The following LARP4 variants were observed in gnomAD, a reference collection of about 807,000 sequenced individuals.
LARP4 encodes la-related protein 4.
LARP4 carries 29 observed loss-of-function variants against 92.9 expected under a neutral mutation model. The ratio of observed to expected loss-of-function variants is 0.31; its 90% CI spans 0.23 to 0.43. The LOEUF (loss-of-function observed/expected upper bound fraction) is 0.43, where lower values mean the gene tolerates loss of function less well. Ranked by LOEUF, LARP4 falls within the 20% of genes least tolerant of loss-of-function variation. LARP4 has a pLI of 1.00. For synonymous variants in LARP4, 279 were observed against 284.1 expected (o/e 0.98, Z 0.18); for missense variants, 732 against 860.0 (o/e 0.85, Z 1.86).
At chr12:50,414,268 T>C (rs1946394492) in intron 1 of LARP4, among the ~76,000 whole-genome samples, 1 of 152,178 alleles carries the variant, frequency 6.6e-6, no homozygotes, top group Non-Finnish European at 1.5e-5. Context: ...TTAACAGTAT[T>C]GTAACCTTTC....
intron 4 of LARP4, 54 bp downstream of exon 4, chr12:50,430,624 A>AT: frequency 9.6e-7 from 1 of 1,042,900 alleles, no homozygotes. Context: ...AATACGTGTG[A>AT]AATAGAGCGC....
At chr12:50,472,905 C>T (rs566036854) in intron 13 of LARP4, among the ~76,000 whole-genome samples, 2 of 151,996 alleles carry the variant, frequency 1.3e-5, no homozygotes, top group South Asian at 2.1e-4. Context: ...CTGCAACCTC[C>T]GCCTCCCAGG....
chr12:50,475,437 G>A, intron 15 of LARP4, 89 bp from the exon 16 acceptor site: 1 of 1,090,560 alleles, frequency 9.2e-7, no homozygotes, highest in South Asian at 1.6e-5. Context: ...GATAATCTGT[G>A]GTTTTCTTAT....
intron 8 of LARP4, among the ~76,000 whole-genome samples, chr12:50,448,882 A>G (rs970771325): frequency 1.3e-5 from 2 of 152,174 alleles, no homozygotes; most frequent in South Asian, 2.1e-4. Context: ...AAAATGAACA[A>G]TGTCTTGAAC....
At chr12:50,446,648 C>T (rs1169735466) in intron 8 of LARP4, among the ~76,000 whole-genome samples, 10 of 150,436 alleles carry the variant, frequency 6.6e-5, no homozygotes, top group African/African-American at 2.5e-4. Context: ...AGGCTGGTCT[C>T]GAATTCCTGA....
rs956679822 is a variant in LARP4 at position 50,406,489 on chromosome 12, T to G, written c.18+5461T>G. Among the ~76,000 whole-genome samples the G allele has an allele frequency of 7.2e-5, 11 of 152,022 alleles. No homozygotes were observed. The South Asian group carries it at 2.3e-3, about 32-fold the overall frequency. On this transcript the variant is annotated intron_variant, in intron 1 of 15. Transcript: ENST00000398473. ...GAGTGAGACCCTGCCTCAAAAAATT[T>G]TTTTAAATTATTATTTTATTATTTT...
chr12:50,461,020 TTTAAC>T, intron 10 of LARP4, 110 bp from the exon 11 acceptor site: 1 of 751,882 alleles, frequency 1.3e-6, no homozygotes, highest in Non-Finnish European at 2.3e-6. Context: ...TTCTTTTGTG[TTTAAC>T]TTAATTTTTT....
intron 1 of LARP4, among the ~76,000 whole-genome samples, chr12:50,410,264 G>C (rs996658425): frequency 6.6e-6 from 1 of 152,052 alleles, no homozygotes; most frequent in South Asian, 2.1e-4. Flanking sequence ...AATAGAGACA[G>C]GGTCTTGCTA....
intron 10 of LARP4, 36 bp downstream of exon 10, chr12:50,454,453 C>T: frequency 6.9e-7 from 1 of 1,459,342 alleles, no homozygotes; most frequent in Non-Finnish European, 9.6e-7. Flanking sequence ...GTATTTTAAA[C>T]AATTCCTAAT....
At chr12:50,435,800 G>C (rs1414243491) in intron 5 of LARP4, among the ~76,000 whole-genome samples, 176 bp downstream of exon 5, 1 of 150,854 alleles carries the variant, frequency 6.6e-6, no homozygotes, top group East Asian at 1.9e-4. Flanking sequence ...TGAAAGACAG[G>C]GTCTCACTCT....
rs760045934 is a variant in LARP4 at position 50,475,620 on chromosome 12, A to G, written c.1931A>G (p.Asn644Ser). 7.4e-6 allele frequency: 12 copies of G among 1,614,162 alleles called. No homozygotes were observed. The South Asian group carries it at 1.3e-4, about 18-fold the overall frequency. The change falls in exon 16 of 16, where the codon AAT becomes AGT. Residue 644 changes from asparagine to serine, a missense_variant. Transcript: ENST00000398473. ...CAGCCACTACGGGAACTTCGCTCCAATGTGGTGTCTCCCACCAAAAATGAA... is the reference window on the plus strand; with the variant it reads ...CAGCCACTACGGGAACTTCGCTCCAGTGTGGTGTCTCCCACCAAAAATGAA... ...LVQPLRELRS[N>S]VVSPTKNEDN... is the part of the protein sequence containing the mutation.
intron 6 of LARP4, 54 bp from the exon 7 acceptor site, chr12:50,440,385 A>C (rs569789142): frequency 7.8e-7 from 1 of 1,288,108 alleles, no homozygotes; most frequent in Non-Finnish European, 1.1e-6. Flanking sequence ...CCAACAAAAA[A>C]TGCCAATTAT....
At chr12:50,407,889 G>T (rs542866228) in intron 1 of LARP4, among the ~76,000 whole-genome samples, 2 of 152,082 alleles carry the variant, frequency 1.3e-5, no homozygotes, top group East Asian at 3.9e-4. Context: ...TTACTCTTTT[G>T]AAAAAAATTA....
chr12:50,473,673 C>T, intron 14 of LARP4, 137 bp downstream of exon 14: 4 of 771,546 alleles, frequency 5.2e-6, no homozygotes, highest in Non-Finnish European at 4.0e-6. Flanking sequence ...CAAGACCAGT[C>T]TGGCCAACAT....
intron 13 of LARP4, among the ~76,000 whole-genome samples, chr12:50,470,104 G>T (rs150090709): frequency 3.1e-4 from 47 of 151,708 alleles, no homozygotes; most frequent in African/African-American, 1.1e-3. Flanking sequence ...TATGCCTGTA[G>T]TCCTTGCTAC....
At chr12:50,446,071 C>G (rs1190590395) in intron 8 of LARP4, among the ~76,000 whole-genome samples, 1 of 145,474 alleles carries the variant, frequency 6.9e-6, no homozygotes, top group South Asian at 2.2e-4. Context: ...GGCACAAACT[C>G]GGCTCACTGC....
intron 8 of LARP4, among the ~76,000 whole-genome samples, chr12:50,453,038 C>G (rs1045503785): frequency 1.3e-5 from 2 of 151,122 alleles, no homozygotes; most frequent in Non-Finnish European, 2.9e-5. Context: ...GCCTCCCAAG[C>G]AGCTAGGACT....
intron 1 of LARP4, among the ~76,000 whole-genome samples, chr12:50,406,414 G>A (rs185011860): frequency 1.7e-4 from 26 of 152,038 alleles, no homozygotes; most frequent in African/African-American, 5.8e-4. Context: ...CCAGGAGATC[G>A]AGGCTGCAGT....
chr12:50,426,731 G>GTGTGTGTGTGTGT (rs1483728898), intron 1 of LARP4, among the ~76,000 whole-genome samples: 33 of 79,712 alleles, frequency 4.1e-4, no homozygotes, highest in South Asian at 4.4e-4. Context: ...GTGTGTGTGT[G>GTGTGTGTGTGTGT]GTTTTTTTTT....
Sources: gnomAD v4.1 joint callset for allele counts (sites outside exome capture counted in the v4.1 genomes callset) on GRCh38, gnomAD v4.1.1 for gene constraint, MANE v1.5 for transcripts, NCBI Gene and HGNC (gene_info 2026-07-23, HGNC 2026-07-21) for gene names.